The following ZNF789 variants were observed in gnomAD, a reference collection of about 807,000 sequenced individuals.
ZNF789 encodes zinc finger protein 789.
Under a neutral mutation model 15.6 loss-of-function variants are expected in ZNF789, and 11 were observed. The observed-to-expected ratio is 0.70, with a 90% CI of 0.44 to 1.16. The LOEUF (loss-of-function observed/expected upper bound fraction) is 1.16. Among genes scored for constraint, ZNF789 ranks in the 50% most tolerant of loss-of-function variants. ZNF789 has a pLI of 0.00. For missense variants in ZNF789, 461 were observed against 512.6 expected, an observed-to-expected ratio of 0.90 and a Z score of 0.97; for synonymous variants, 159 against 176.0, an observed-to-expected ratio of 0.90 and a Z score of 0.76.
chr7:99,475,465 G>A (rs1325338257), intron 1 of ZNF789, among the ~76,000 whole-genome samples: 1 of 152,192 alleles, frequency 6.6e-6, no homozygotes, highest in Non-Finnish European at 1.5e-5. Flanking sequence ...CCAGGCTAGA[G>A]GTGAGGGTTG....
intron 2 of ZNF789, among the ~76,000 whole-genome samples, chr7:99,477,673 C>T (rs1282875140): frequency 6.6e-6 from 1 of 152,056 alleles, no homozygotes; most frequent in Non-Finnish European, 1.5e-5. Flanking sequence ...AGGAGAGGAC[C>T]AGTGGCTCAT....
chr7:99,480,248 C>T (rs1029334475), intron 3 of ZNF789: 2 of 159,292 alleles, frequency 1.3e-5, no homozygotes, highest in African/African-American at 4.8e-5. Flanking sequence ...TCGCTTGAAC[C>T]CGGGAGGCAG....
At chr7:99,482,446 T>G in intron 3 of ZNF789, 1 of 562,322 alleles carries the variant, frequency 1.8e-6, no homozygotes, top group Non-Finnish European at 3.2e-6. Flanking sequence ...TTTTATCAGG[T>G]TAGTGCTCAG....
rs1379784095 is a variant in ZNF789, at chr7:99,486,485, C to T, written c.275C>T (p.Ala92Val). ...ASGSACPGSE[A>V]RHKMKKLTPK... ...CTTGTTATTTGGCTAGGTTCTGAAG[C>T]CAGACACAAGATGAAAAAGCTAACT... The change falls in exon 5 of 5, where the codon GCC (alanine) becomes GTC (valine). Residue 92 changes from alanine to valine, a missense_variant. Transcript: ENST00000331410. 1 of 1,610,104 alleles carries T rather than the reference C, an allele frequency of 6.2e-7. No homozygotes were observed. The highest frequency in any genetic ancestry group is 8.5e-7 in the Non-Finnish European group (1 of 1,178,200).
intron 3 of ZNF789, chr7:99,480,040 T>G: frequency 2.2e-6 from 1 of 460,392 alleles, no homozygotes. Context: ...GAAATAACAG[T>G]GTAGGCCAGG....
chr7:99,476,857 C>T (rs968252030), intron 2 of ZNF789, among the ~76,000 whole-genome samples: 5 of 152,216 alleles, frequency 3.3e-5, no homozygotes. Context: ...CTGCTGTACA[C>T]TCCAGGTGCT....
chr7:99,481,127 G>A (rs898160847), intron 3 of ZNF789: 2 of 152,192 alleles, frequency 1.3e-5, no homozygotes, highest in Non-Finnish European at 2.9e-5. Flanking sequence ...TGTTTTAAAT[G>A]TAACATTATT....
rs369068130 is a variant in ZNF789, at chr7:99,486,599, A to G, written c.389A>G (p.His130Arg). 76 of 1,614,240 alleles carry G rather than the reference A, an allele frequency of 4.7e-5. No individual in the cohort carries two copies. The highest frequency in any genetic ancestry group is 3.0e-4 in the South Asian group (27 of 91,092). The part of the protein sequence containing the change: ...ESAEKLSEKL[H>R]KCKEFVDSCR... ...GCTGAGAAACTTTCAGAAAAGTTAC[A>G]TAAGTGTAAAGAATTTGTGGACAGT... The change falls in exon 5 of 5, where the codon CAT becomes CGT. Residue 130 changes from histidine (H) to arginine (R), a missense_variant. By Grantham distance (29) the His-to-Arg change is conservative. Transcript: ENST00000331410.
chr7:99,477,640 A>C (rs1041200308), intron 2 of ZNF789, among the ~76,000 whole-genome samples: 2 of 152,020 alleles, frequency 1.3e-5, no homozygotes, highest in Non-Finnish European at 2.9e-5. Flanking sequence ...CGCCCAGCCT[A>C]GAAGAGACTG....
chr7:99,475,996 G>T (rs1799315616), intron 1 of ZNF789, among the ~76,000 whole-genome samples: 1 of 151,984 alleles, frequency 6.6e-6, no homozygotes, highest in African/African-American at 2.4e-5. Context: ...GTAGAGAAGG[G>T]CTTTCACCAT....
At chr7:99,476,517 T>C in intron 2 of ZNF789, 37 bp downstream of exon 2, 4 of 1,608,488 alleles carry the variant, frequency 2.5e-6, no homozygotes, top group Non-Finnish European at 3.4e-6. Flanking sequence ...ATCAGCATAG[T>C]CACTGCCACC....
chr7:99,483,713 TTTAA>T (rs1232319918), intron 3 of ZNF789: 2 of 781,110 alleles, frequency 2.6e-6, no homozygotes, highest in South Asian at 2.7e-5. Context: ...CTACGCTTGA[TTTAA>T]TTGTTCCCTT....
rs1484902600 is a variant in ZNF789, at chr7:99,483,806, A to G, written c.152-224A>G. On this transcript the variant is annotated intron_variant, in intron 3 of 4. Transcript: ENST00000331410. Reference sequence around the variant, plus strand: ...CTCTGGCACATTCATCTTGGTTGCAATTGTACTTTAGGCTATATTTCTAAG... The same window carrying G: ...CTCTGGCACATTCATCTTGGTTGCAGTTGTACTTTAGGCTATATTTCTAAG... 8 of 781,040 alleles carry G rather than the reference A, an allele frequency of 1.0e-5. No individual in the cohort carries two copies. The East Asian group carries it at 1.2e-4, about 12-fold the overall frequency. The allele number at this position is 781,040 out of a possible 1,614,324, so 48.4% of individuals were successfully genotyped here.
At position 99,487,062 on chromosome 7, in the gene ZNF789, T is replaced by A. The variant is rs772158425; in HGVS notation, c.852T>A (p.Pro284=). ...EHKRIHTKEK[P]YKCSKCEKTF... The stretch of plus-strand genomic sequence containing the variant: ...AGAGGATTCACACCAAAGAAAAACC[T>A]TATAAATGTAGCAAATGTGAAAAAA... The change falls in exon 5 of 5, where the codon CCT becomes CCA. Residue 284 remains proline, a synonymous_variant. Transcript: ENST00000331410. The A allele has an allele frequency of 6.2e-6, 10 of 1,613,962 alleles. No homozygotes were observed. Among genetic ancestry groups the A allele is most frequent in the Non-Finnish European group, 7.6e-6 (9 of 1,180,038 alleles).
chr7:99,487,476 G>A lies in ZNF789; in HGVS notation c.1266G>A (p.Gln422=). ...FIKHQGTHKG[Q]IST is the part of the protein sequence containing the mutation. Reference sequence around the variant, plus strand: ...AGCACCAGGGCACTCACAAAGGACAGATATCCACATGATGTTAATTGGAAA... The same window carrying A: ...AGCACCAGGGCACTCACAAAGGACAAATATCCACATGATGTTAATTGGAAA... Residue 422 remains glutamine, a synonymous_variant, in exon 5 of 5, where the codon CAG becomes CAA. Transcript: ENST00000331410. 1.2e-6 allele frequency: 2 copies of A among 1,610,258 alleles called. No homozygotes were observed. Among genetic ancestry groups the A allele is most frequent in the Non-Finnish European group, 1.7e-6 (2 of 1,177,704 alleles).
Position 99,487,491 on chromosome 7 carries a change from T to G in ZNF789, c.*3T>G. 1 of 1,603,830 alleles carries G rather than the reference T, an allele frequency of 6.2e-7. No individual in the cohort carries two copies. The highest frequency in any genetic ancestry group is 1.7e-5 in the Admixed American group (1 of 58,376). Reference sequence around the variant, plus strand: ...ACAAAGGACAGATATCCACATGATGTTAATTGGAAAGCAGTCATTGGAGAA... The same window carrying G: ...ACAAAGGACAGATATCCACATGATGGTAATTGGAAAGCAGTCATTGGAGAA... On this transcript the variant is annotated 3_prime_UTR_variant, in exon 5 of 5. Transcript: ENST00000331410.
At chr7:99,478,956 TG>T (rs1024891765) in intron 2 of ZNF789, 4 of 153,142 alleles carry the variant, frequency 2.6e-5, no homozygotes, top group Non-Finnish European at 5.8e-5. Flanking sequence ...GGCTGTGGGA[TG>T]GGTGTGGCTG....
At chr7:99,474,371 G>T (rs937182182) in intron 1 of ZNF789, among the ~76,000 whole-genome samples, 2 of 152,170 alleles carry the variant, frequency 1.3e-5, no homozygotes, top group African/African-American at 4.8e-5. Flanking sequence ...AAGGCGGGAG[G>T]ATCACGAGGT....
Position 99,479,570 on chromosome 7 carries a change from C to T in ZNF789, c.25-91C>T, listed in dbSNP as rs140036157. 181 of 1,453,952 alleles carry T rather than the reference C, an allele frequency of 1.2e-4. 2 individuals carry two copies. The East Asian group carries it at 4.4e-3, about 35-fold the overall frequency. 90.1% of individuals were successfully genotyped at this position (1,453,952 alleles called of 1,614,324 possible). A position where few individuals can be genotyped will look rare whatever the true frequency, so the allele number is the denominator to read the frequency against. On this transcript the variant is annotated intron_variant, in intron 2 of 4. Transcript: ENST00000331410. ...TGGGTGCCCTTGGCCCACACTCTAC[C>T]TCCCAAACCTTGGTTTCCTCAGCTG... is the stretch of plus-strand genomic sequence containing the variant.
Sources: allele counts gnomAD v4.1 joint callset (sites outside exome capture counted in the v4.1 genomes callset), GRCh38; gene constraint gnomAD v4.1.1; transcripts MANE v1.5; gene names NCBI Gene and HGNC (gene_info 2026-07-23, HGNC 2026-07-21).